The following EFCAB6 variants were observed in gnomAD, a reference collection of about 807,000 sequenced individuals.
EFCAB6 encodes the protein EF-hand calcium-binding domain-containing protein 6.
Under a neutral mutation model 169.8 loss-of-function variants are expected in EFCAB6, and 156 were observed. The observed-to-expected ratio is 0.92, with a 90% CI of 0.81 to 1.05. EFCAB6 has a LOEUF of 1.05. Among genes scored for constraint, EFCAB6 ranks in the 50% least tolerant of loss-of-function variants. The pLI is 0.00. For synonymous variants in EFCAB6, 698 were observed against 676.4 expected, an observed-to-expected ratio of 1.03 and a Z score of -0.50; for missense variants, 1,800 against 1,829.1, an observed-to-expected ratio of 0.98 and a Z score of 0.29.
intron 20 of EFCAB6, 61 bp downstream of exon 20, chr22:43,626,386 G>A: frequency 6.7e-7 from 1 of 1,503,048 alleles, no homozygotes; most frequent in Non-Finnish European, 9.2e-7. Flanking sequence ...TGGAAATGCT[G>A]GACGTCACAG....
chr22:43,686,117 G>C (rs187872902), intron 11 of EFCAB6, among the ~76,000 whole-genome samples: 1 of 152,064 alleles, frequency 6.6e-6, no homozygotes, highest in Non-Finnish European at 1.5e-5. Context: ...GAGTAGCTGG[G>C]ATTACAGGCT....
chr22:43,650,638 C>T (rs1372743838), intron 17 of EFCAB6, among the ~76,000 whole-genome samples: 1 of 151,842 alleles, frequency 6.6e-6, no homozygotes, highest in East Asian at 1.9e-4. Flanking sequence ...GGTTGAAACA[C>T]TTTGGAGGGC....
At chr22:43,706,273 C>T (rs985149873) in intron 10 of EFCAB6, among the ~76,000 whole-genome samples, 6 of 152,188 alleles carry the variant, frequency 3.9e-5, no homozygotes, top group African/African-American at 1.4e-4. Context: ...GAGGCTCCTC[C>T]CACAGTTCTT....
At chr22:43,678,242 C>CT (rs1453954399) in intron 12 of EFCAB6, 79 bp from the exon 13 acceptor site, 11 of 1,421,942 alleles carry the variant, frequency 7.7e-6, no homozygotes, top group Non-Finnish European at 8.5e-6. Context: ...TGTTTAGCAT[C>CT]ATTTAATAAA....
chr22:43,592,655 CA>C (rs1287327270), intron 23 of EFCAB6, among the ~76,000 whole-genome samples: 1 of 152,136 alleles, frequency 6.6e-6, no homozygotes, highest in East Asian at 1.9e-4. Flanking sequence ...GGTCTATGTC[CA>C]GTTCCTGGTC....
chr22:43,684,815 C>T (rs774516288), intron 11 of EFCAB6, among the ~76,000 whole-genome samples: 12 of 152,168 alleles, frequency 7.9e-5, no homozygotes, highest in Non-Finnish European at 1.3e-4. Context: ...TTTTATCCAC[C>T]GGGTACCCCT....
chr22:43,773,180 G>A (rs1031110505), intron 3 of EFCAB6, 77 bp from the exon 4 acceptor site: 15 of 1,435,788 alleles, frequency 1.0e-5, no homozygotes, highest in Admixed American at 8.2e-5. Context: ...ACTGTTGAAC[G>A]GAACCAAGAA....
At chr22:43,549,417 G>A (rs906952280) in intron 27 of EFCAB6, among the ~76,000 whole-genome samples, 4 of 152,108 alleles carry the variant, frequency 2.6e-5, no homozygotes, top group Admixed American at 1.3e-4. Context: ...ATAATTTTAC[G>A]CTAATAAATT....
chr22:43,534,177 A>G (rs2047250083), intron 30 of EFCAB6, among the ~76,000 whole-genome samples: 1 of 152,192 alleles, frequency 6.6e-6, no homozygotes, highest in African/African-American at 2.4e-5. Flanking sequence ...TGATTGGATC[A>G]TGGGGGAGGT....
intron 24 of EFCAB6, among the ~76,000 whole-genome samples, chr22:43,581,163 G>A (rs996963443): frequency 2.6e-5 from 4 of 152,104 alleles, no homozygotes; most frequent in Admixed American, 6.6e-5. Context: ...GGGGCTCCTG[G>A]GGTCATGGAG....
At chr22:43,640,981 A>G (rs949598768) in intron 17 of EFCAB6, among the ~76,000 whole-genome samples, 1 of 152,168 alleles carries the variant, frequency 6.6e-6, no homozygotes, top group Non-Finnish European at 1.5e-5. Context: ...GGGTGACCAG[A>G]AAAAAAGTCT....
At position 43,787,795 on chromosome 22, in the gene EFCAB6, T is replaced by C. The variant is rs547941467; in HGVS notation, c.-7-5470A>G. Among the ~76,000 whole-genome samples the C allele has an allele frequency of 2.3e-4, 34 of 150,476 alleles. No homozygotes were observed. The South Asian group carries it at 3.7e-3, about 17-fold the overall frequency. On this transcript the variant is annotated intron_variant, in intron 2 of 31. Transcript: ENST00000262726. ...CCAAAATGATCATGAAAAATAAAAA[T>C]AAGATCATGAAAAATAAAAATAAAG...
At chr22:43,742,674 C>A (rs1258487501) in intron 6 of EFCAB6, among the ~76,000 whole-genome samples, 1 of 152,242 alleles carries the variant, frequency 6.6e-6, no homozygotes, top group Non-Finnish European at 1.5e-5. Context: ...CCCCACTCTG[C>A]GCAGCCCCCG....
intron 24 of EFCAB6, 86 bp from the exon 25 acceptor site, chr22:43,580,745 G>A (rs1410328855): frequency 7.2e-6 from 10 of 1,386,340 alleles, no homozygotes; most frequent in African/African-American, 1.4e-5. Context: ...AGCACATTGG[G>A]CAATGTGGGG....
At chr22:43,573,914 A>C (rs1171831235) in intron 26 of EFCAB6, among the ~76,000 whole-genome samples, 1 of 152,190 alleles carries the variant, frequency 6.6e-6, no homozygotes, top group African/African-American at 2.4e-5. Context: ...TCAATATTCA[A>C]TCATTTATGT....
chr22:43,699,882 TG>T (rs2058704961), intron 10 of EFCAB6, among the ~76,000 whole-genome samples: 1 of 152,226 alleles, frequency 6.6e-6, no homozygotes, highest in Non-Finnish European at 1.5e-5. Flanking sequence ...CCAGCGTGAA[TG>T]GGAACATTCT....
chr22:43,748,360 A>G (rs1194732818), intron 6 of EFCAB6, among the ~76,000 whole-genome samples: 1 of 152,150 alleles, frequency 6.6e-6, no homozygotes, highest in Non-Finnish European at 1.5e-5. Context: ...ACATAACTCT[A>G]CAGAATAGCC....
chr22:43,608,080 G>A (rs1324372841), intron 22 of EFCAB6, among the ~76,000 whole-genome samples: 1 of 152,118 alleles, frequency 6.6e-6, no homozygotes, highest in Non-Finnish European at 1.5e-5. Context: ...TCCATCTATA[G>A]GTAATGGGGA....
At chr22:43,599,404 G>A (rs1004941637) in intron 23 of EFCAB6, among the ~76,000 whole-genome samples, 2 of 150,656 alleles carry the variant, frequency 1.3e-5, no homozygotes, top group Admixed American at 1.3e-4. Context: ...CAGCTACTCA[G>A]GAGCCTGAAT....
Sources: gnomAD v4.1 joint callset for allele counts (sites outside exome capture counted in the v4.1 genomes callset) on GRCh38, gnomAD v4.1.1 for gene constraint, MANE v1.5 for transcripts, NCBI Gene and HGNC (gene_info 2026-07-23, HGNC 2026-07-21) for gene names.